ADCY5: variants seen among roughly 807,000 people sequenced by gnomAD.
ADCY5 encodes adenylate cyclase type 5.
Under a neutral mutation model 119.7 loss-of-function variants are expected in ADCY5, and 30 were observed. The observed-to-expected ratio is 0.25, with a 90% CI of 0.19 to 0.34. ADCY5 has a LOEUF of 0.34. ADCY5 is among the 10% of genes least tolerant of loss of function. The pLI is 1.00. For synonymous variants in ADCY5, 753 were observed against 762.2 expected, an observed-to-expected ratio of 0.99 and a Z score of 0.20; for missense variants, 1,324 against 1,775.2, an observed-to-expected ratio of 0.75 and a Z score of 4.57.
At chr3:123,385,301 A>ACACACG (rs1474030552) in intron 1 of ADCY5, among the ~76,000 whole-genome samples, 1 of 150,668 alleles carries the variant, frequency 6.6e-6, no homozygotes, top group East Asian at 2.0e-4. Context: ...ACGCACACAC[A>ACACACG]CACACACACG....
rs984096883 is a variant in ADCY5, at chr3:123,296,255, C to T, written c.2931-39G>A. The T allele has an allele frequency of 3.7e-6, 6 of 1,600,360 alleles. No homozygotes were observed. In the African/African-American group the frequency reaches 4.0e-5, roughly 11 times the overall value. ...GTGGACAGGCCTGAGACGGCCGTGG[C>T]TCCTCACAGCGGGCTCTGAGGACCC... is the stretch of plus-strand genomic sequence containing the variant. On this transcript the variant is annotated intron_variant, in intron 16 of 20. Transcript: ENST00000462833.
intron 3 of ADCY5, among the ~76,000 whole-genome samples, chr3:123,340,467 A>G (rs980893280): frequency 6.6e-6 from 1 of 152,228 alleles, no homozygotes; most frequent in Admixed American, 6.5e-5. Flanking sequence ...GTAATCATAC[A>G]TAACAGCTGA....
intron 8 of ADCY5, among the ~76,000 whole-genome samples, chr3:123,323,923 C>T (rs1293185794): frequency 6.6e-6 from 1 of 152,064 alleles, no homozygotes. Context: ...ACAGAGTCTG[C>T]AGGAGACTAT....
In ADCY5 at chr3:123,316,492, G is replaced by A. The variant is rs78493498; in HGVS notation, c.2354+1528C>T. Among the ~76,000 whole-genome samples the A allele has an allele frequency of 1.8e-4, 28 of 152,270 alleles. No individual in the cohort carries two copies. The East Asian group carries it at 4.4e-3, about 24-fold the overall frequency. Reference sequence around the variant, plus strand: ...GGTTTTGATCATTATATACAGTTACGGAAGTTGTCAACATTCGGGGAAACT... The same window carrying A: ...GGTTTTGATCATTATATACAGTTACAGAAGTTGTCAACATTCGGGGAAACT... On this transcript the variant is annotated intron_variant, in intron 11 of 20. Transcript: ENST00000462833.
chr3:123,350,905 G>T (rs1197076521), intron 2 of ADCY5, among the ~76,000 whole-genome samples: 2 of 152,154 alleles, frequency 1.3e-5, no homozygotes, highest in African/African-American at 4.8e-5. Flanking sequence ...AGATGCTGAG[G>T]CCTGGAATGG....
At position 123,342,353 on chromosome 3, in the gene ADCY5, G is replaced by A. The variant is rs375304051; in HGVS notation, c.1406+5429C>T. Among the ~76,000 whole-genome samples the A allele has an allele frequency of 9.2e-5, 14 of 152,346 alleles. No individual in the cohort carries two copies. The East Asian group carries it at 2.3e-3, about 25-fold the overall frequency. ...GCAGCCAAGTCCTTGAAGGAGACAGGAGAGGAGATAATAACCTTAAAAGTG... is the reference window on the plus strand; with the variant it reads ...GCAGCCAAGTCCTTGAAGGAGACAGAAGAGGAGATAATAACCTTAAAAGTG... On this transcript the variant is annotated intron_variant, in intron 3 of 20. Transcript: ENST00000462833.
intron 1 of ADCY5, chr3:123,404,533 A>G: frequency 6.5e-6 from 1 of 152,718 alleles, no homozygotes; most frequent in Non-Finnish European, 1.5e-5. Flanking sequence ...TCTGAGGCCC[A>G]GCTTCTGCCT....
chr3:123,413,414 C>A (rs1366441491), intron 1 of ADCY5, among the ~76,000 whole-genome samples: 1 of 152,174 alleles, frequency 6.6e-6, no homozygotes, highest in Non-Finnish European at 1.5e-5. Flanking sequence ...CCAGCCTGAG[C>A]AGGGAGGGAG....
chr3:123,305,255 A>T (rs1940137052), intron 12 of ADCY5, among the ~76,000 whole-genome samples: 1 of 152,192 alleles, frequency 6.6e-6, no homozygotes, highest in Non-Finnish European at 1.5e-5. Context: ...GGCTGTGAGC[A>T]TCCCTGCAAA....
Position 123,328,088 on chromosome 3 carries a change from G to A in ADCY5, c.1806-329C>T, listed in dbSNP as rs60916980. ...GAAGCCAGCAATGGCTCCTGCACGCGACAGGACGGAGTCCAAATTCACGAG... is the reference window on the plus strand; with the variant it reads ...GAAGCCAGCAATGGCTCCTGCACGCAACAGGACGGAGTCCAAATTCACGAG... On this transcript the variant is annotated intron_variant, in intron 6 of 20. Transcript: ENST00000462833. Among the ~76,000 whole-genome samples, 1,240 of 152,306 alleles carry A rather than the reference G, an allele frequency of 8.1e-3. 12 individuals are homozygous for A. The highest frequency in any genetic ancestry group is 0.028 in the African/African-American group (1,152 of 41,550).
chr3:123,390,325 T>C (rs181303269), intron 1 of ADCY5, among the ~76,000 whole-genome samples: 7 of 152,296 alleles, frequency 4.6e-5, no homozygotes, highest in African/African-American at 9.6e-5. Context: ...CAGTTTGGTG[T>C]CCATCTTTTG....
intron 1 of ADCY5, among the ~76,000 whole-genome samples, chr3:123,431,259 G>T (rs1945516152): frequency 6.6e-6 from 1 of 152,190 alleles, no homozygotes; most frequent in Non-Finnish European, 1.5e-5. Flanking sequence ...ACTGCTGAGG[G>T]TATTAAGGCC....
In ADCY5 at chr3:123,294,743, G is replaced by A. The variant is rs1405774320; in HGVS notation, c.3063+1341C>T. The stretch of plus-strand genomic sequence containing the variant: ...TCGGCAACACTGAGAGGGGCCTGCC[G>A]CACCCCTGCTGATCGCCGATGGGGA... On this transcript the variant is annotated intron_variant, in intron 17 of 20. Transcript: ENST00000462833. 1.1e-4 allele frequency among the ~76,000 whole-genome samples: 17 copies of A among 152,304 alleles called. No homozygotes were observed. In the East Asian group the frequency reaches 1.4e-3, roughly 12 times the overall value.
intron 1 of ADCY5, among the ~76,000 whole-genome samples, chr3:123,419,559 C>T (rs1031889231): frequency 6.6e-6 from 1 of 152,120 alleles, no homozygotes; most frequent in African/African-American, 2.4e-5. Context: ...GTAGATACTC[C>T]TCACCCCAGC....
intron 8 of ADCY5, among the ~76,000 whole-genome samples, chr3:123,321,361 A>T (rs908702841): frequency 6.6e-5 from 10 of 152,330 alleles, no homozygotes; most frequent in South Asian, 4.1e-4. Context: ...CTCAGAGGGT[A>T]AGGAACCCAC....
intron 3 of ADCY5, among the ~76,000 whole-genome samples, chr3:123,341,865 A>T (rs1942297222): frequency 6.6e-6 from 1 of 152,072 alleles, no homozygotes; most frequent in Non-Finnish European, 1.5e-5. Flanking sequence ...TTGTGGAATG[A>T]CTAAAATAAT....
intron 1 of ADCY5, among the ~76,000 whole-genome samples, chr3:123,421,184 G>A (rs192570906): frequency 1.3e-3 from 197 of 152,312 alleles, no homozygotes; most frequent in African/African-American, 3.7e-3. Flanking sequence ...ATCACTCCAG[G>A]TGCTTATTGT....
intron 1 of ADCY5, among the ~76,000 whole-genome samples, chr3:123,370,131 G>T (rs997154987): frequency 2.2e-4 from 34 of 152,150 alleles, no homozygotes; most frequent in Non-Finnish European, 2.1e-4. Context: ...AACAGCCAGT[G>T]GGAGGAGTGG....
chr3:123,303,893 G>GAAGAGAAGAGAAGAGTAGAA (rs746945989), intron 13 of ADCY5, among the ~76,000 whole-genome samples, 174 bp downstream of exon 13: 1 of 117,186 alleles, frequency 8.5e-6, no homozygotes, highest in Non-Finnish European at 1.7e-5. Context: ...GAAGAGAAGA[G>GAAGAGAAGAGAAGAGTAGAA]AAGAAAGAAC....
Sources: gnomAD v4.1 joint callset for allele counts (sites outside exome capture counted in the v4.1 genomes callset) on GRCh38, gnomAD v4.1.1 for gene constraint, MANE v1.5 for transcripts, NCBI Gene and HGNC (gene_info 2026-07-23, HGNC 2026-07-21) for gene names.